Variants in RERE observed in about 807,000 individuals in gnomAD.
RERE encodes the protein arginine-glutamic acid dipeptide repeats protein.
A neutral mutation model predicts 146.1 loss-of-function variants in RERE; 40 were observed. The observed-to-expected ratio is 0.27, with a 90% confidence interval of 0.21 to 0.36. The LOEUF (loss-of-function observed/expected upper bound fraction) is 0.36. RERE is among the 10% of genes least tolerant of loss of function. The pLI, the probability that RERE is intolerant of heterozygous loss-of-function variation, is 1.00. For synonymous variants in RERE, 1,003 were observed against 866.0 expected (o/e 1.16, Z -2.78); for missense variants, 1,933 against 2,138.7 (o/e 0.90, Z 1.90).
chr1:8,567,340 A>C (rs1646165391), intron 4 of RERE, among the ~76,000 whole-genome samples: 3 of 152,240 alleles, frequency 2.0e-5, no homozygotes, highest in Admixed American at 2.0e-4. Flanking sequence ...GGGGAATGGT[A>C]GGAAGGCAGA....
intron 11 of RERE, among the ~76,000 whole-genome samples, chr1:8,464,129 T>C (rs1435278742): frequency 6.6e-6 from 1 of 152,244 alleles, no homozygotes; most frequent in Non-Finnish European, 1.5e-5. Context: ...TTCTCTTTAA[T>C]AATAACGTTA....
At chr1:8,546,968 A>G (rs1460528173) in intron 6 of RERE, among the ~76,000 whole-genome samples, 2 of 152,108 alleles carry the variant, frequency 1.3e-5, no homozygotes, top group Non-Finnish European at 2.9e-5. Flanking sequence ...AAAAAAGGGG[A>G]TATGAACAAT....
At chr1:8,812,513 G>A (rs2124608613) in intron 1 of RERE, among the ~76,000 whole-genome samples, 1 of 152,226 alleles carries the variant, frequency 6.6e-6, no homozygotes, top group East Asian at 1.9e-4. Flanking sequence ...CAGGTGTGGT[G>A]GCACATGTCT....
At chr1:8,435,694 C>CA (rs990156860) in intron 11 of RERE, among the ~76,000 whole-genome samples, 11 of 152,152 alleles carry the variant, frequency 7.2e-5, no homozygotes, top group African/African-American at 2.7e-4. Flanking sequence ...ATTTTTCATT[C>CA]AAAGACCATG....
intron 11 of RERE, among the ~76,000 whole-genome samples, chr1:8,438,737 A>C (rs1239009164): frequency 2.6e-5 from 4 of 152,200 alleles, no homozygotes; most frequent in Admixed American, 6.5e-5. Context: ...TGTAGCGTTT[A>C]AAAGTACTAA....
chr1:8,793,690 G>A (rs1287616384), intron 1 of RERE, among the ~76,000 whole-genome samples: 2 of 152,232 alleles, frequency 1.3e-5, no homozygotes, highest in African/African-American at 2.4e-5. Flanking sequence ...TCAGAGGGCG[G>A]AAAGAAAGGA....
At chr1:8,545,311 TAATCCTTCCG>T (rs1645844891) in intron 6 of RERE, among the ~76,000 whole-genome samples, 1 of 152,198 alleles carries the variant, frequency 6.6e-6, no homozygotes, top group African/African-American at 2.4e-5. Context: ...CTCATTTCAG[TAATCCTTCCG>T]AGTGGGGCGG....
chr1:8,660,089 A>T (rs1638420204), intron 1 of RERE, among the ~76,000 whole-genome samples: 1 of 152,028 alleles, frequency 6.6e-6, no homozygotes, highest in South Asian at 2.1e-4. Context: ...ATACCATATC[A>T]TTTATATATT....
At chr1:8,366,836 C>T (rs1641818949) in intron 12 of RERE, among the ~76,000 whole-genome samples, 1 of 151,180 alleles carries the variant, frequency 6.6e-6, no homozygotes. Flanking sequence ...CTGCAGGCTG[C>T]CATCTCACCC....
chr1:8,613,608 T>C (rs1248319890), intron 4 of RERE, among the ~76,000 whole-genome samples: 1 of 152,168 alleles, frequency 6.6e-6, no homozygotes, highest in African/African-American at 2.4e-5. Flanking sequence ...GCTGAACAAC[T>C]CACCATATAT....
chr1:8,776,278 C>T (rs1024355254), intron 1 of RERE, among the ~76,000 whole-genome samples: 2 of 152,000 alleles, frequency 1.3e-5, no homozygotes, highest in African/African-American at 4.8e-5. Context: ...CTGAAGTTAC[C>T]GGGTTACTTT....
intron 12 of RERE, among the ~76,000 whole-genome samples, chr1:8,393,525 T>C (rs977507716): frequency 3.3e-5 from 5 of 152,142 alleles, no homozygotes; most frequent in African/African-American, 4.8e-5. Flanking sequence ...ATTCTACTCA[T>C]AAAATGGGGT....
intron 4 of RERE, among the ~76,000 whole-genome samples, chr1:8,607,693 G>A (rs969881174): frequency 7.0e-6 from 1 of 142,422 alleles, no homozygotes; most frequent in African/African-American, 2.6e-5. Context: ...CTAGAGCCTG[G>A]TACTATCACA....
At chr1:8,416,511 G>A (rs1023429731) in intron 12 of RERE, among the ~76,000 whole-genome samples, 2 of 151,234 alleles carry the variant, frequency 1.3e-5, no homozygotes, top group Non-Finnish European at 1.5e-5. Flanking sequence ...GCGTGAACCT[G>A]GGAGGCGGAG....
At chr1:8,416,887 G>A (rs938171944) in intron 12 of RERE, among the ~76,000 whole-genome samples, 1 of 152,216 alleles carries the variant, frequency 6.6e-6, no homozygotes, top group Non-Finnish European at 1.5e-5. Flanking sequence ...TGGCTCAAGA[G>A]ACAAGGACAG....
intron 10 of RERE, among the ~76,000 whole-genome samples, chr1:8,478,903 G>C (rs1644795412): frequency 3.3e-5 from 5 of 152,104 alleles, no homozygotes. Flanking sequence ...TGGGAGGTCA[G>C]AACATATCAA....
intron 11 of RERE, among the ~76,000 whole-genome samples, chr1:8,454,987 C>T (rs1252795071): frequency 2.0e-5 from 3 of 151,992 alleles, no homozygotes; most frequent in Admixed American, 2.0e-4. Context: ...GTTTTTCCTG[C>T]TTCTGCCCAC....
rs1014614213 is a variant in RERE at position 8,422,604 on chromosome 1, G to A, written c.1284+123C>T. ...AGGGAGTAAAACGGAGAGAATTCTG[G>A]AGGCCAGCCCGAGTCTGAGCACAGC... On this transcript the variant is annotated intron_variant, in intron 12 of 22. Transcript: ENST00000400908. 4.5e-6 allele frequency: 3 copies of A among 673,710 alleles called. No homozygotes were observed. In the African/African-American group the frequency reaches 5.4e-5, roughly 12 times the overall value. The allele number at this position is 673,710 out of a possible 1,614,324, so 41.7% of individuals were successfully genotyped here.
At chr1:8,395,758 A>G (rs565678583) in intron 12 of RERE, among the ~76,000 whole-genome samples, 1 of 152,170 alleles carries the variant, frequency 6.6e-6, no homozygotes, top group South Asian at 2.1e-4. Context: ...GAGAGGAAAC[A>G]AAAACCAAAA....
Sources: allele counts gnomAD v4.1 joint callset (sites outside exome capture counted in the v4.1 genomes callset), GRCh38; gene constraint gnomAD v4.1.1; transcripts MANE v1.5; gene names NCBI Gene and HGNC (gene_info 2026-07-23, HGNC 2026-07-21).